The following GPC5 variants were observed in gnomAD, a reference collection of about 807,000 sequenced individuals.
GPC5 encodes the protein glypican 5, also known as glypican-5.
GPC5 carries 47 observed loss-of-function variants against 53.9 expected under a neutral mutation model. That is an observed-to-expected ratio of 0.87 (90% CI 0.69 to 1.11). The LOEUF (loss-of-function observed/expected upper bound fraction) is 1.11. GPC5 is among the 50% of genes most tolerant of loss of function. The pLI is 0.00. For missense variants in GPC5, 748 were observed against 713.1 expected (o/e 1.05, Z -0.56); for synonymous variants, 286 against 263.3 (o/e 1.09, Z -0.84).
chr13:92,846,676 T>C (rs1285340142), intron 7 of GPC5, among the ~76,000 whole-genome samples: 1 of 152,214 alleles, frequency 6.6e-6, no homozygotes, highest in Non-Finnish European at 1.5e-5. Context: ...ATCATGTGCA[T>C]AATGTGTTCC....
chr13:91,853,817 C>T (rs2038938858), intron 5 of GPC5, among the ~76,000 whole-genome samples: 1 of 151,856 alleles, frequency 6.6e-6, no homozygotes, highest in African/African-American at 2.4e-5. Flanking sequence ...TAGGTCATAA[C>T]ATTTTATTGG....
At chr13:91,964,226 G>A (rs571950516) in intron 6 of GPC5, among the ~76,000 whole-genome samples, 11 of 152,310 alleles carry the variant, frequency 7.2e-5, no homozygotes, top group South Asian at 2.1e-4. Context: ...GACCCAAAGA[G>A]TGAGCAGCAG....
At chr13:92,602,175 C>CTA (rs997656746) in intron 7 of GPC5, among the ~76,000 whole-genome samples, 2 of 137,156 alleles carry the variant, frequency 1.5e-5, no homozygotes, top group East Asian at 2.1e-4. Flanking sequence ...CAAATACACA[C>CTA]TATATATATT....
At chr13:92,180,344 C>G (rs757712831) in intron 7 of GPC5, among the ~76,000 whole-genome samples, 1 of 152,120 alleles carries the variant, frequency 6.6e-6, no homozygotes, top group Non-Finnish European at 1.5e-5. Flanking sequence ...AAAATAATAT[C>G]CAATAAAACA....
At chr13:92,525,201 ACTTGC>A (rs1881225350) in intron 7 of GPC5, among the ~76,000 whole-genome samples, 1 of 151,978 alleles carries the variant, frequency 6.6e-6, no homozygotes. Flanking sequence ...TTGGCCTACT[ACTTGC>A]TAATTATTTA....
At chr13:92,306,311 C>A (rs9589497) in intron 7 of GPC5, among the ~76,000 whole-genome samples, 30,270 of 152,044 alleles carry the variant, frequency 0.2, 3,137 homozygotes, top group South Asian at 0.35. Context: ...CTCAATGCCT[C>A]TGCAATATAA....
intron 7 of GPC5, among the ~76,000 whole-genome samples, chr13:92,209,430 G>A (rs1038264800): frequency 1.3e-5 from 2 of 152,144 alleles, no homozygotes; most frequent in African/African-American, 4.8e-5. Flanking sequence ...CCTCTGTCCT[G>A]TGGCAGAGTG....
At chr13:92,317,414 G>C (rs2043186432) in intron 7 of GPC5, among the ~76,000 whole-genome samples, 1 of 152,102 alleles carries the variant, frequency 6.6e-6, no homozygotes, top group African/African-American at 2.4e-5. Flanking sequence ...AAAATGAAGA[G>C]AAGAGAAGAT....
At chr13:91,937,404 C>T (rs1215403710) in intron 6 of GPC5, among the ~76,000 whole-genome samples, 15 of 152,016 alleles carry the variant, frequency 9.9e-5, no homozygotes, top group Non-Finnish European at 1.5e-5. Context: ...TGAGCTTTTA[C>T]AGAAGAGCGA....
chr13:91,813,038 C>T lies in GPC5; in HGVS notation c.1280+56618C>T, dbSNP rs183140658. 1.2e-4 allele frequency among the ~76,000 whole-genome samples: 18 copies of T among 152,284 alleles called. No homozygotes were observed. The East Asian group carries it at 2.9e-3, about 24-fold the overall frequency. ...AGCCCAAAGTGTCACGGAAGTACTA[C>T]ATTTCTGTGACTTGAAATTCCAAAA... On this transcript the variant is annotated intron_variant, in intron 5 of 7. Transcript: ENST00000377067.
intron 7 of GPC5, among the ~76,000 whole-genome samples, chr13:92,329,974 CATT>C (rs2043277749): frequency 6.6e-6 from 1 of 151,720 alleles, no homozygotes; most frequent in South Asian, 2.1e-4. Context: ...AAAGAAAACA[CATT>C]ATGACTTTTA....
In GPC5 at chr13:91,579,621, T is replaced by C. The variant is rs1175757073; in HGVS notation, c.326-113566T>C. ...TAATATTTCTTTCTTTCTTTTTCTT[T>C]TTCTTTTTTTTTTTTTTTTTTTTTT... is the stretch of plus-strand genomic sequence containing the variant. On this transcript the variant is annotated intron_variant, in intron 2 of 7. Coordinates refer to ENST00000377067, the MANE Select transcript of GPC5 (RefSeq NM_004466.6). Among the ~76,000 whole-genome samples, 7 of 89,934 alleles carry C rather than the reference T, an allele frequency of 7.8e-5. No individual in the cohort carries two copies. The Admixed American group carries it at 1.0e-3, about 13-fold the overall frequency. 59.0% of individuals were successfully genotyped at this position (89,934 alleles called of 152,430 possible). A position where few individuals can be genotyped will look rare whatever the true frequency, so the allele number is the denominator to read the frequency against.
At chr13:92,743,065 G>C (rs1889147237) in intron 7 of GPC5, among the ~76,000 whole-genome samples, 1 of 151,554 alleles carries the variant, frequency 6.6e-6, no homozygotes, top group South Asian at 2.1e-4. Context: ...GGCGATGCAG[G>C]CTCTTTTTTG....
At chr13:91,789,945 A>G (rs1374101611) in intron 5 of GPC5, among the ~76,000 whole-genome samples, 1 of 152,192 alleles carries the variant, frequency 6.6e-6, no homozygotes, top group Non-Finnish European at 1.5e-5. Context: ...CACAAGATAC[A>G]ACCTGACTTT....
intron 7 of GPC5, among the ~76,000 whole-genome samples, chr13:92,843,911 G>A (rs938576233): frequency 6.6e-6 from 1 of 151,692 alleles, no homozygotes; most frequent in Non-Finnish European, 1.5e-5. Flanking sequence ...AGGACAGAGG[G>A]ACAGGACCTC....
At chr13:91,673,026 A>G (rs2035286468) in intron 2 of GPC5, among the ~76,000 whole-genome samples, 1 of 152,152 alleles carries the variant, frequency 6.6e-6, no homozygotes, top group Non-Finnish European at 1.5e-5. Flanking sequence ...TGGGAGTTGA[A>G]CAATGAGAAC....
rs2031818804 is a variant in GPC5 at position 91,571,816 on chromosome 13, T to TGTGTATATATACACACACATATAC, written c.326-121367_326-121366insATATATACACACACATATACGTGT. 2.8e-5 allele frequency among the ~76,000 whole-genome samples: 3 copies of TGTGTATATATACACACACATATAC among 108,626 alleles called. 1 individual carries two copies. Among genetic ancestry groups the TGTGTATATATACACACACATATAC allele is most frequent in the African/African-American group, 1.4e-4 (3 of 21,126 alleles). 71.3% of individuals were successfully genotyped at this position (108,626 alleles called of 152,430 possible). On this transcript the variant is annotated intron_variant, in intron 2 of 7. Transcript: ENST00000377067. The stretch of plus-strand genomic sequence containing the variant: ...GTGTGTATATATACACACACATACG[T>TGTGTATATATACACACACATATAC]GTGTGTATATATACACATATACTTG...
intron 2 of GPC5, among the ~76,000 whole-genome samples, chr13:91,612,657 C>T (rs2139318876): frequency 6.6e-6 from 1 of 152,266 alleles, no homozygotes; most frequent in East Asian, 1.9e-4. Context: ...AACACAACCA[C>T]TCATCCTGTC....
chr13:92,430,679 G>A (rs919984118), intron 7 of GPC5, among the ~76,000 whole-genome samples: 1 of 152,126 alleles, frequency 6.6e-6, no homozygotes, highest in African/African-American at 2.4e-5. Flanking sequence ...GAGCAGAAAT[G>A]TGGCTTTTAA....
Sources: gnomAD v4.1 joint callset for allele counts (sites outside exome capture counted in the v4.1 genomes callset) on GRCh38, gnomAD v4.1.1 for gene constraint, MANE v1.5 for transcripts, NCBI Gene and HGNC (gene_info 2026-07-23, HGNC 2026-07-21) for gene names.